Variants in MACROD2 observed in about 807,000 individuals in gnomAD.
MACROD2 encodes the protein ADP-ribose glycohydrolase MACROD2.
A neutral mutation model predicts 70.4 loss-of-function variants in MACROD2; 36 were observed. That is an observed-to-expected ratio of 0.51 (90% confidence interval 0.39 to 0.68). MACROD2 has a LOEUF of 0.68. MACROD2 is among the 30% of genes least tolerant of loss of function. The pLI is 0.00. For synonymous variants in MACROD2, 172 were observed against 178.8 expected (o/e 0.96, Z 0.30); for missense variants, 496 against 538.4 (o/e 0.92, Z 0.78).
chr20:15,447,091 T>G (rs2046578128), intron 7 of MACROD2, among the ~76,000 whole-genome samples: 1 of 151,582 alleles, frequency 6.6e-6, no homozygotes, highest in Non-Finnish European at 1.5e-5. Flanking sequence ...TGTGTGTCTG[T>G]GTGTTGTATA....
intron 4 of MACROD2, among the ~76,000 whole-genome samples, chr20:14,623,460 G>T (rs548504584): frequency 6.6e-6 from 1 of 152,252 alleles, no homozygotes; most frequent in South Asian, 2.1e-4. Context: ...TTGGGAGATG[G>T]TGTTAACATA....
At chr20:15,935,906 G>A (rs1336680417) in intron 11 of MACROD2, among the ~76,000 whole-genome samples, 2 of 152,112 alleles carry the variant, frequency 1.3e-5, no homozygotes, top group Non-Finnish European at 2.9e-5. Context: ...CCATTGTCTG[G>A]GTTTGGGACG....
At chr20:15,227,393 C>G (rs985975766) in intron 5 of MACROD2, among the ~76,000 whole-genome samples, 1 of 151,736 alleles carries the variant, frequency 6.6e-6, no homozygotes, top group Non-Finnish European at 1.5e-5. Flanking sequence ...CTTCCTCCCT[C>G]GCCCCCGTTA....
At chr20:14,215,444 T>G (rs1430759480) in intron 3 of MACROD2, among the ~76,000 whole-genome samples, 2 of 151,694 alleles carry the variant, frequency 1.3e-5, no homozygotes, top group African/African-American at 4.8e-5. Context: ...GTTTTGCAAT[T>G]GCGAATTGTG....
At chr20:14,533,696 G>C (rs1027038019) in intron 4 of MACROD2, among the ~76,000 whole-genome samples, 3 of 152,110 alleles carry the variant, frequency 2.0e-5, no homozygotes, top group African/African-American at 7.2e-5. Context: ...ATAGTATGTA[G>C]TTTTAAATTC....
intron 4 of MACROD2, among the ~76,000 whole-genome samples, chr20:14,533,512 T>C (rs1184606815): frequency 6.6e-6 from 1 of 152,200 alleles, no homozygotes; most frequent in African/African-American, 2.4e-5. Context: ...AGGTTTATGG[T>C]GGACTAAGTG....
chr20:14,985,388 T>A (rs1273895253), intron 5 of MACROD2, among the ~76,000 whole-genome samples: 1 of 152,192 alleles, frequency 6.6e-6, no homozygotes, highest in Non-Finnish European at 1.5e-5. Context: ...TCACTTTGAC[T>A]AATAACCAAC....
At chr20:15,301,882 C>T (rs1020491873) in intron 6 of MACROD2, among the ~76,000 whole-genome samples, 30 of 152,148 alleles carry the variant, frequency 2.0e-4, no homozygotes, top group African/African-American at 6.8e-4. Context: ...TTTCCTCTAA[C>T]TTTCAGATGT....
intron 3 of MACROD2, among the ~76,000 whole-genome samples, chr20:14,135,716 G>A (rs894790938): frequency 6.6e-6 from 1 of 152,040 alleles, no homozygotes; most frequent in Non-Finnish European, 1.5e-5. Context: ...ATAAATACAG[G>A]AAAAGTGGTT....
intron 4 of MACROD2, among the ~76,000 whole-genome samples, chr20:14,499,498 A>C (rs531076883): frequency 6.6e-6 from 1 of 151,948 alleles, no homozygotes; most frequent in East Asian, 1.9e-4. Flanking sequence ...ACACCACTGC[A>C]CTCCAGCCTG....
In MACROD2 at chr20:16,052,320, T is replaced by G. The variant is rs896385482; in HGVS notation, c.*2444T>G. On this transcript the variant is annotated 3_prime_UTR_variant, in exon 18 of 18. Coordinates refer to ENST00000684519, the MANE Select transcript of MACROD2 (RefSeq NM_001351661.2). ...AACACAGAAAACCTTTATTTGCTGG[T>G]GCTGCCATTGCACAGGCTGTACAAT... 1 of 152,210 alleles carries G rather than the reference T, an allele frequency of 6.6e-6. No individual in the cohort carries two copies. Among genetic ancestry groups the G allele is most frequent in the African/African-American group, 2.4e-5 (1 of 41,460 alleles). 9.4% of individuals were successfully genotyped at this position (152,210 alleles called of 1,614,324 possible).
intron 5 of MACROD2, among the ~76,000 whole-genome samples, chr20:15,106,244 A>G (rs1287295935): frequency 6.6e-6 from 1 of 152,116 alleles, no homozygotes; most frequent in African/African-American, 2.4e-5. Context: ...TCAAGCTTTA[A>G]TTTATTTATA....
intron 3 of MACROD2, among the ~76,000 whole-genome samples, chr20:14,178,417 T>C (rs2081280949): frequency 6.6e-6 from 1 of 152,156 alleles, no homozygotes; most frequent in African/African-American, 2.4e-5. Flanking sequence ...TATTCTGTTA[T>C]GAAAAAATAG....
At chr20:14,046,517 C>T (rs1046352911) in intron 2 of MACROD2, among the ~76,000 whole-genome samples, 10 of 152,070 alleles carry the variant, frequency 6.6e-5, no homozygotes, top group African/African-American at 2.2e-4. Context: ...ATGCCTTTCT[C>T]CAGTAACCCA....
chr20:15,742,809 T>C (rs1463468196), intron 8 of MACROD2, among the ~76,000 whole-genome samples: 1 of 152,238 alleles, frequency 6.6e-6, no homozygotes, highest in Non-Finnish European at 1.5e-5. Flanking sequence ...CATACATTCA[T>C]TTCAATGAGA....
intron 9 of MACROD2, among the ~76,000 whole-genome samples, chr20:15,880,216 G>T (rs2064734753): frequency 2.0e-5 from 3 of 152,074 alleles, no homozygotes; most frequent in Admixed American, 1.3e-4. Context: ...GGCATGGAAG[G>T]TCTGTATTAT....
chr20:14,767,250 A>G (rs112366648), intron 5 of MACROD2, among the ~76,000 whole-genome samples: 4 of 152,176 alleles, frequency 2.6e-5, no homozygotes, highest in East Asian at 3.8e-4. Context: ...GTACAGTTCT[A>G]TTATATTTTT....
chr20:15,655,367 G>A (rs186528805), intron 8 of MACROD2, among the ~76,000 whole-genome samples: 276 of 141,768 alleles, frequency 1.9e-3, no homozygotes, highest in African/African-American at 3.3e-3. Context: ...TTGATTTACC[G>A]ATAGAATATG....
At chr20:14,148,879 G>T (rs974841774) in intron 3 of MACROD2, among the ~76,000 whole-genome samples, 5 of 152,068 alleles carry the variant, frequency 3.3e-5, no homozygotes, top group African/African-American at 4.8e-5. Flanking sequence ...GTAGTTAATA[G>T]GTCCCTCTTC....
Sources: gnomAD v4.1 joint callset for allele counts (sites outside exome capture counted in the v4.1 genomes callset) on GRCh38, gnomAD v4.1.1 for gene constraint, MANE v1.5 for transcripts, NCBI Gene and HGNC (gene_info 2026-07-23, HGNC 2026-07-21) for gene names.